Variants in SNX18 observed in about 807,000 individuals in gnomAD.
SNX18 encodes sorting nexin-18.
SNX18 carries 35 observed loss-of-function variants against 48.7 expected under a neutral mutation model. The ratio of observed to expected loss-of-function variants is 0.72; its 90% CI spans 0.55 to 0.95. SNX18 has a LOEUF of 0.95. Ranked by LOEUF, SNX18 falls within the 40% of genes least tolerant of loss-of-function variation. The pLI, the probability that SNX18 is intolerant of heterozygous loss-of-function variation, is 0.00. For synonymous variants in SNX18, 492 were observed against 384.7 expected, an observed-to-expected ratio of 1.28 and a Z score of -3.26; for missense variants, 824 against 871.0, an observed-to-expected ratio of 0.95 and a Z score of 0.68.
the SNX18 span, among the ~76,000 whole-genome samples, chr5:54,565,735 A>G: frequency 1.3e-5 from 2 of 152,152 alleles, no homozygotes; most frequent in African/African-American, 2.4e-5. Flanking sequence ...ATCAGTAGGG[A>G]CTTGAATTTG....
chr5:54,587,608 T>C, the SNX18 span, among the ~76,000 whole-genome samples: 2 of 152,210 alleles, frequency 1.3e-5, no homozygotes, highest in Non-Finnish European at 2.9e-5. Flanking sequence ...TTGTTGGTGC[T>C]GCCAGTGTTC....
At chr5:54,579,020 T>C in the SNX18 span, among the ~76,000 whole-genome samples, 5 of 152,278 alleles carry the variant, frequency 3.3e-5, no homozygotes, top group African/African-American at 1.2e-4. Context: ...CTTTCCTAAC[T>C]AGGCTGAAAA....
chr5:54,572,568 G>A, the SNX18 span, among the ~76,000 whole-genome samples: 220 of 151,810 alleles, frequency 1.4e-3, no homozygotes, highest in African/African-American at 5.1e-3. Flanking sequence ...CTCGGGCATA[G>A]CTCAAATTGA....
chr5:54,528,032 G>A (rs1762168676), intron 1 of SNX18, among the ~76,000 whole-genome samples: 1 of 151,846 alleles, frequency 6.6e-6, no homozygotes, highest in African/African-American at 2.4e-5. Context: ...GGGAGGGGAG[G>A]GGAAGTTTGA....
chr5:54,581,790 G>C, the SNX18 span, among the ~76,000 whole-genome samples: 2 of 152,160 alleles, frequency 1.3e-5, no homozygotes, highest in Admixed American at 1.3e-4. Context: ...GGTGGTGCTG[G>C]TTTTATTGAA....
chr5:54,563,029 A>G, the SNX18 span, among the ~76,000 whole-genome samples: 1 of 152,222 alleles, frequency 6.6e-6, no homozygotes, highest in Non-Finnish European at 1.5e-5. Context: ...AGCATATAGA[A>G]TAAGAATATT....
chr5:54,563,831 G>A, the SNX18 span, among the ~76,000 whole-genome samples: 1 of 151,892 alleles, frequency 6.6e-6, no homozygotes, highest in African/African-American at 2.4e-5. Context: ...GCTCTTTTCT[G>A]CAGCTGAACC....
the SNX18 span, among the ~76,000 whole-genome samples, chr5:54,598,377 A>C: frequency 6.6e-6 from 1 of 152,208 alleles, no homozygotes. Context: ...CTCCTCCCTA[A>C]CTCATTCTAT....
At chr5:54,585,244 A>T in the SNX18 span, among the ~76,000 whole-genome samples, 1 of 150,868 alleles carries the variant, frequency 6.6e-6, no homozygotes, top group Non-Finnish European at 1.5e-5. Context: ...GTGAGTTGTT[A>T]CCATGCTCCT....
At position 54,517,856 on chromosome 5, in the gene SNX18, G is replaced by T. The variant is rs1053341774; in HGVS notation, c.-97G>T. 3.9e-6 allele frequency: 5 copies of T among 1,296,062 alleles called. No individual in the cohort carries two copies. In the East Asian group the frequency reaches 1.6e-4, roughly 41 times the overall value. 80.3% of individuals were successfully genotyped at this position (1,296,062 alleles called of 1,614,324 possible). A position where few individuals can be genotyped will look rare whatever the true frequency, so the allele number is the denominator to read the frequency against. ...TGGGTTTGCCGCCTTCGGGGCTCCA[G>T]TCCGCGCGCCAGGGCTCGAGCAGTA... On this transcript the variant is annotated 5_prime_UTR_variant, in exon 1 of 2. Coordinates refer to ENST00000381410, the MANE Select transcript of SNX18 (RefSeq NM_001102575.2).
the SNX18 span, among the ~76,000 whole-genome samples, chr5:54,553,183 A>C: frequency 6.6e-6 from 1 of 152,220 alleles, no homozygotes; most frequent in South Asian, 2.1e-4. Context: ...TCTCTGAATG[A>C]GATGTGGGGC....
At chr5:54,638,278 C>T in the SNX18 span, among the ~76,000 whole-genome samples, 124 of 152,146 alleles carry the variant, frequency 8.2e-4, no homozygotes, top group Non-Finnish European at 1.4e-3. Flanking sequence ...ATCTTCCCCC[C>T]AACCCCAGTC....
chr5:54,644,552 A>T, the SNX18 span: 1 of 152,190 alleles, frequency 6.6e-6, no homozygotes, highest in Non-Finnish European at 1.5e-5. Flanking sequence ...CATATTCCCA[A>T]CAGGAAAATC....
At chr5:54,521,691 C>T (rs1463007847) in intron 1 of SNX18, among the ~76,000 whole-genome samples, 1 of 152,102 alleles carries the variant, frequency 6.6e-6, no homozygotes, top group Non-Finnish European at 1.5e-5. Flanking sequence ...GGTGACAGAG[C>T]AAGACCCTGT....
At chr5:54,599,836 C>G in the SNX18 span, among the ~76,000 whole-genome samples, 1 of 152,122 alleles carries the variant, frequency 6.6e-6, no homozygotes, top group Non-Finnish European at 1.5e-5. Flanking sequence ...AAAATTAACT[C>G]AAGATGGATT....
chr5:54,526,558 C>T, intron 1 of SNX18, among the ~76,000 whole-genome samples: 1 of 152,162 alleles, frequency 6.6e-6, no homozygotes, highest in Non-Finnish European at 1.5e-5. Flanking sequence ...GGTAAGGGGA[C>T]AGTGAAGGAA....
chr5:54,635,034 G>T, the SNX18 span, among the ~76,000 whole-genome samples: 14 of 151,688 alleles, frequency 9.2e-5, no homozygotes, highest in Admixed American at 7.2e-4. Context: ...TTTGAACTTT[G>T]TCTCCAGAAT....
At chr5:54,572,792 T>A in the SNX18 span, among the ~76,000 whole-genome samples, 1 of 104,980 alleles carries the variant, frequency 9.5e-6, no homozygotes, top group African/African-American at 3.6e-5. Flanking sequence ...TTTTTTTTTT[T>A]TTTTTTTTTT....
the SNX18 span, among the ~76,000 whole-genome samples, chr5:54,616,633 G>A: frequency 6.6e-6 from 1 of 152,118 alleles, no homozygotes; most frequent in African/African-American, 2.4e-5. Flanking sequence ...GCCAGGCGAA[G>A]TGGCAGGCGC....
Sources: gnomAD v4.1 joint callset for allele counts (sites outside exome capture counted in the v4.1 genomes callset) on GRCh38, gnomAD v4.1.1 for gene constraint, MANE v1.5 for transcripts, NCBI Gene and HGNC (gene_info 2026-07-23, HGNC 2026-07-21) for gene names.